The following XKR6 variants were observed in gnomAD, a reference collection of about 807,000 sequenced individuals.
XKR6 encodes XK related 6, also known as XK-related protein 6.
In XKR6, 22 loss-of-function variants were observed where a neutral mutation model predicts 56.7. The ratio of observed to expected loss-of-function variants is 0.39; its 90% CI spans 0.28 to 0.55. The LOEUF is 0.55. Ranked by LOEUF, XKR6 falls within the 20% of genes least tolerant of loss-of-function variation. The probability of loss-of-function intolerance (pLI) is 0.66; values close to 1 mark genes in which losing one functional copy is unlikely to be tolerated. For synonymous variants in XKR6, 524 were observed against 387.8 expected (o/e 1.35, Z -4.13); for missense variants, 852 against 889.0 (o/e 0.96, Z 0.53).
At chr8:10,922,040 G>C (rs890354860) in intron 2 of XKR6, among the ~76,000 whole-genome samples, 4 of 152,218 alleles carry the variant, frequency 2.6e-5, no homozygotes, top group African/African-American at 9.7e-5. Context: ...TGCCATGTAA[G>C]AACACAGTGT....
chr8:10,988,539 G>C (rs968814853), intron 1 of XKR6, among the ~76,000 whole-genome samples: 1 of 152,160 alleles, frequency 6.6e-6, no homozygotes, highest in Non-Finnish European at 1.5e-5. Context: ...GAAAGGCAAG[G>C]AATGCTAGGC....
At chr8:11,132,809 CTTT>C (rs955876918) in intron 1 of XKR6, among the ~76,000 whole-genome samples, 2 of 142,806 alleles carry the variant, frequency 1.4e-5, no homozygotes, top group Non-Finnish European at 3.1e-5. Flanking sequence ...TCTTGGAAGA[CTTT>C]TTTTATTACT....
intron 1 of XKR6, among the ~76,000 whole-genome samples, chr8:11,117,570 A>T (rs961324245): frequency 6.6e-6 from 1 of 152,236 alleles, no homozygotes; most frequent in Non-Finnish European, 1.5e-5. Flanking sequence ...GTCACATTTA[A>T]TCTGAAAATG....
chr8:10,899,379 T>C (rs1188459912), intron 2 of XKR6, among the ~76,000 whole-genome samples: 1 of 152,192 alleles, frequency 6.6e-6, no homozygotes, highest in Non-Finnish European at 1.5e-5. Flanking sequence ...CGCCCTGAAT[T>C]CCACACTGTT....
At chr8:11,055,307 AG>A (rs1260332411) in intron 1 of XKR6, among the ~76,000 whole-genome samples, 1 of 151,178 alleles carries the variant, frequency 6.6e-6, no homozygotes, top group African/African-American at 2.4e-5. Context: ...TAAGATCCCT[AG>A]GGTGGGGGAG....
Position 10,897,968 on chromosome 8 carries a change from T to C in XKR6, c.1910A>G (p.Tyr637Cys). The change falls in exon 3 of 3, where the codon TAT (tyrosine) becomes TGT (cysteine). Residue 637 changes from tyrosine (Y) to cysteine (C), a missense_variant. Physicochemically the swap from Tyr to Cys is radical, Grantham distance 194. Transcript: ENST00000416569. ...DGPLLYELLQ[Y>C]ESSL ...AAGATGCTCTTAGAGTGAAGACTCA[T>C]ACTGTAGCAACTCATAGAGGAGTGG... The C allele has an allele frequency of 6.3e-7, 1 of 1,589,098 alleles. No individual in the cohort carries two copies. Among genetic ancestry groups the C allele is most frequent in the Non-Finnish European group, 8.6e-7 (1 of 1,168,502 alleles).
chr8:11,021,807 C>A (rs77211060), intron 1 of XKR6, among the ~76,000 whole-genome samples: 3 of 152,290 alleles, frequency 2.0e-5, no homozygotes, highest in African/African-American at 7.2e-5. Flanking sequence ...TGATAAGACA[C>A]AATCCCTGCC....
chr8:11,077,913 G>A (rs918278609), intron 1 of XKR6, among the ~76,000 whole-genome samples: 1 of 152,164 alleles, frequency 6.6e-6, no homozygotes, highest in African/African-American at 2.4e-5. Context: ...TCCGGGAGCA[G>A]CCTCCCGGTG....
At chr8:10,905,921 C>T (rs1024057808) in intron 2 of XKR6, among the ~76,000 whole-genome samples, 1 of 152,282 alleles carries the variant, frequency 6.6e-6, no homozygotes, top group South Asian at 2.1e-4. Context: ...CCTCGCCTTC[C>T]CACAGGAGAC....
intron 1 of XKR6, chr8:11,114,036 C>A (rs1466298867): frequency 4.7e-6 from 2 of 423,744 alleles, no homozygotes; most frequent in Non-Finnish European, 9.2e-6. Flanking sequence ...AGTCAGAAAT[C>A]AGATGACCTC....
At chr8:10,910,499 C>T (rs1003687264) in intron 2 of XKR6, among the ~76,000 whole-genome samples, 1 of 152,184 alleles carries the variant, frequency 6.6e-6, no homozygotes, top group African/African-American at 2.4e-5. Context: ...AGAGCCACCA[C>T]CGCAATCTTC....
intron 1 of XKR6, among the ~76,000 whole-genome samples, chr8:11,035,795 G>A (rs1470505799): frequency 6.6e-6 from 1 of 152,140 alleles, no homozygotes; most frequent in Non-Finnish European, 1.5e-5. Context: ...TGAGGAGAGG[G>A]AGGTAAGTGG....
chr8:11,122,877 CAATT>C (rs1799522592), intron 1 of XKR6, among the ~76,000 whole-genome samples: 1 of 152,140 alleles, frequency 6.6e-6, no homozygotes, highest in African/African-American at 2.4e-5. Context: ...AAGTAACACA[CAATT>C]CATGTAGCAA....
At chr8:11,090,140 G>C (rs1222758881) in intron 1 of XKR6, among the ~76,000 whole-genome samples, 1 of 152,160 alleles carries the variant, frequency 6.6e-6, no homozygotes, top group Non-Finnish European at 1.5e-5. Context: ...CTGGAGTGCA[G>C]TGGTGCAAAT....
chr8:11,190,204 A>AAAAGAAAAG (rs1803492707), intron 1 of XKR6, among the ~76,000 whole-genome samples: 2 of 120,924 alleles, frequency 1.7e-5, no homozygotes, highest in Non-Finnish European at 3.4e-5. Context: ...AGAAAGAAAG[A>AAAAGAAAAG]AAAGAAAGAA....
intron 1 of XKR6, among the ~76,000 whole-genome samples, chr8:11,173,750 T>C (rs903797195): frequency 6.6e-6 from 1 of 152,192 alleles, no homozygotes; most frequent in Non-Finnish European, 1.5e-5. Context: ...GGTTTTCTTC[T>C]GCTCACAACC....
chr8:11,192,062 C>T (rs534397740), intron 1 of XKR6, among the ~76,000 whole-genome samples: 37 of 152,268 alleles, frequency 2.4e-4, no homozygotes, highest in African/African-American at 8.4e-4. Flanking sequence ...CAGCGACTCA[C>T]GCCTATAATC....
chr8:11,150,497 C>G (rs181116437), intron 1 of XKR6, among the ~76,000 whole-genome samples: 1 of 152,146 alleles, frequency 6.6e-6, no homozygotes, highest in Admixed American at 6.5e-5. Context: ...GATTCCATCC[C>G]ATTTTTTAAA....
intron 1 of XKR6, among the ~76,000 whole-genome samples, chr8:11,147,438 G>T (rs1801041332): frequency 6.6e-6 from 1 of 152,104 alleles, no homozygotes; most frequent in Non-Finnish European, 1.5e-5. Context: ...GGCTGAGGCA[G>T]GCAGATCAAG....
Sources: allele counts gnomAD v4.1 joint callset (sites outside exome capture counted in the v4.1 genomes callset), GRCh38; gene constraint gnomAD v4.1.1; transcripts MANE v1.5; gene names NCBI Gene and HGNC (gene_info 2026-07-23, HGNC 2026-07-21).